EPB41L4B: variants seen among roughly 807,000 people sequenced by gnomAD.
EPB41L4B encodes the protein band 4.1-like protein 4B.
A neutral mutation model predicts 112.5 loss-of-function variants in EPB41L4B; 30 were observed. The observed-to-expected ratio is 0.27, with a 90% confidence interval of 0.20 to 0.36. The LOEUF (loss-of-function observed/expected upper bound fraction) is 0.36, where lower values mean the gene tolerates loss of function less well. Ranked by LOEUF, EPB41L4B falls within the 10% of genes least tolerant of loss-of-function variation. The pLI is 1.00. For missense variants in EPB41L4B, 1,024 were observed against 1,133.3 expected (o/e 0.90, Z 1.38); for synonymous variants, 408 against 439.7 (o/e 0.93, Z 0.90).
chr9:109,238,020 G>A (rs1000131790), intron 15 of EPB41L4B, among the ~76,000 whole-genome samples: 3 of 152,134 alleles, frequency 2.0e-5, no homozygotes, highest in African/African-American at 7.2e-5. Flanking sequence ...ATGGTGGGAT[G>A]AAGGGTGAGA....
intron 14 of EPB41L4B, among the ~76,000 whole-genome samples, chr9:109,246,642 G>A (rs771219123): frequency 2.0e-5 from 3 of 152,236 alleles, no homozygotes; most frequent in Non-Finnish European, 4.4e-5. Flanking sequence ...TTGGAACCAG[G>A]TGGTACAAGG....
intron 1 of EPB41L4B, among the ~76,000 whole-genome samples, chr9:109,281,796 G>A (rs901705839): frequency 6.6e-6 from 1 of 152,024 alleles, no homozygotes; most frequent in African/African-American, 2.4e-5. Flanking sequence ...CTGCTGATGG[G>A]AATGTAAAAC....
At chr9:109,305,785 T>C (rs777369528) in intron 1 of EPB41L4B, among the ~76,000 whole-genome samples, 1 of 151,772 alleles carries the variant, frequency 6.6e-6, no homozygotes, top group African/African-American at 2.4e-5. Flanking sequence ...TAGCTGGGCA[T>C]GGTGACCCAG....
At chr9:109,192,051 C>T (rs906411927) in intron 22 of EPB41L4B, among the ~76,000 whole-genome samples, 1 of 152,142 alleles carries the variant, frequency 6.6e-6, no homozygotes, top group Admixed American at 6.5e-5. Flanking sequence ...ATGGGCAGGA[C>T]CCCCACAACT....
chr9:109,251,501 T>C lies in EPB41L4B; in HGVS notation c.1290A>G (p.Pro430=). Residue 430 remains proline, a synonymous_variant, in exon 13 of 26, where the codon CCA becomes CCG. Coordinates refer to ENST00000374566, the MANE Select transcript of EPB41L4B (RefSeq NM_019114.5). ...RRHSTFKASN[P]VIAAQLCSKT... is the part of the protein sequence containing the mutation. ...CTCACCAGAGCTGGGCTGCTATCAC[T>C]GGGTTGCTTGCTATAAAGGAAAAAC... is the stretch of plus-strand genomic sequence containing the variant. 1 of 1,614,126 alleles carries C rather than the reference T, an allele frequency of 6.2e-7. No individual in the cohort carries two copies.
chr9:109,299,611 G>C (rs889677629), intron 1 of EPB41L4B, among the ~76,000 whole-genome samples: 3 of 151,962 alleles, frequency 2.0e-5, no homozygotes, highest in African/African-American at 7.3e-5. Context: ...TTTTTTAATT[G>C]AAGCATCACA....
chr9:109,239,120 A>C (rs2118945785), intron 15 of EPB41L4B, among the ~76,000 whole-genome samples: 1 of 152,334 alleles, frequency 6.6e-6, no homozygotes, highest in African/African-American at 2.4e-5. Flanking sequence ...GAGATCAGGA[A>C]GGGCACCTCT....
chr9:109,238,396 C>T (rs1363729099), intron 15 of EPB41L4B, among the ~76,000 whole-genome samples: 1 of 152,182 alleles, frequency 6.6e-6, no homozygotes, highest in East Asian at 1.9e-4. Context: ...TGCCCCCATA[C>T]TGGATAAGGT....
intron 7 of EPB41L4B, 57 bp downstream of exon 7, chr9:109,258,117 TCAA>T: frequency 1.3e-6 from 2 of 1,557,320 alleles, no homozygotes; most frequent in Non-Finnish European, 1.7e-6. Context: ...AGGAGTGTGA[TCAA>T]CACTTATTTA....
intron 6 of EPB41L4B, among the ~76,000 whole-genome samples, chr9:109,262,189 C>T (rs1835228284): frequency 6.6e-6 from 1 of 152,112 alleles, no homozygotes; most frequent in Admixed American, 6.5e-5. Flanking sequence ...CTTTGCACCC[C>T]ACCAGTCCTG....
At chr9:109,209,773 T>G (rs1161734741) in intron 17 of EPB41L4B, among the ~76,000 whole-genome samples, 1 of 152,200 alleles carries the variant, frequency 6.6e-6, no homozygotes, top group African/African-American at 2.4e-5. Flanking sequence ...AGTCCCCTCA[T>G]GCAACCATCT....
rs186781971 is a variant in EPB41L4B at position 109,263,205 on chromosome 9, T to G, written c.579-103A>C. On this transcript the variant is annotated intron_variant, in intron 5 of 25. Transcript: ENST00000374566. Reference sequence around the variant, plus strand: ...TCAAAAGGTAGCGCTATTTAGATAATGACTTGTATTCTTAGTCATATTTTT... The same window carrying G: ...TCAAAAGGTAGCGCTATTTAGATAAGGACTTGTATTCTTAGTCATATTTTT... 100 of 765,772 alleles carry G rather than the reference T, an allele frequency of 1.3e-4. No individual in the cohort carries two copies. In the African/African-American group the frequency reaches 1.7e-3, roughly 13 times the overall value. 47.4% of individuals were successfully genotyped at this position (765,772 alleles called of 1,614,324 possible).
At chr9:109,306,990 T>C (rs930903576) in intron 1 of EPB41L4B, among the ~76,000 whole-genome samples, 11 of 150,046 alleles carry the variant, frequency 7.3e-5, no homozygotes, top group Non-Finnish European at 1.6e-4. Flanking sequence ...CACAGGGCCT[T>C]ACAGACACTA....
chr9:109,222,122 T>A (rs180678366), intron 15 of EPB41L4B, among the ~76,000 whole-genome samples: 1 of 152,164 alleles, frequency 6.6e-6, no homozygotes, highest in Admixed American at 6.5e-5. Flanking sequence ...AAGATATATA[T>A]GCAGGGAGTG....
chr9:109,188,034 T>C (rs1181815303), intron 22 of EPB41L4B, among the ~76,000 whole-genome samples: 1 of 152,192 alleles, frequency 6.6e-6, no homozygotes, highest in Non-Finnish European at 1.5e-5. Context: ...GTATTTCCTT[T>C]CTTCCTTGGG....
At chr9:109,192,164 G>C in intron 22 of EPB41L4B, 114 bp downstream of exon 22, 1 of 824,106 alleles carries the variant, frequency 1.2e-6, no homozygotes, top group South Asian at 1.8e-5. Flanking sequence ...TGAGCCTCCA[G>C]GACAAGAGGA....
intron 6 of EPB41L4B, among the ~76,000 whole-genome samples, chr9:109,260,226 T>C (rs753785098): frequency 1.6e-4 from 25 of 151,904 alleles, no homozygotes; most frequent in Admixed American, 4.6e-4. Flanking sequence ...TGCGCCACCA[T>C]ACCTGGCTAA....
chr9:109,301,749 C>G (rs949677274), intron 1 of EPB41L4B, among the ~76,000 whole-genome samples: 2 of 152,192 alleles, frequency 1.3e-5, no homozygotes, highest in Non-Finnish European at 2.9e-5. Flanking sequence ...TAAGCTACAA[C>G]GCGTTGAGAT....
chr9:109,250,573 T>G (rs1044089622), intron 13 of EPB41L4B, among the ~76,000 whole-genome samples: 1 of 152,178 alleles, frequency 6.6e-6, no homozygotes, highest in African/African-American at 2.4e-5. Flanking sequence ...AAGCCAAAAC[T>G]CACATAAGAC....
Sources: gnomAD v4.1 joint callset for allele counts (sites outside exome capture counted in the v4.1 genomes callset) on GRCh38, gnomAD v4.1.1 for gene constraint, MANE v1.5 for transcripts, NCBI Gene and HGNC (gene_info 2026-07-23, HGNC 2026-07-21) for gene names.